Variants in XIRP2 observed in about 807,000 individuals in gnomAD.
XIRP2 encodes xin actin binding repeat containing 2, also known as xin actin-binding repeat-containing protein 2.
In XIRP2, 236 loss-of-function variants were observed where a neutral mutation model predicts 277.0. The ratio of observed to expected loss-of-function variants is 0.85; its 90% CI spans 0.77 to 0.95. The LOEUF is 0.95. XIRP2 is among the 40% of genes least tolerant of loss of function. The pLI, the probability that XIRP2 is intolerant of heterozygous loss-of-function variation, is 0.00. For missense variants in XIRP2, 4,640 were observed against 4,157.5 expected, an observed-to-expected ratio of 1.12 and a Z score of -3.19; for synonymous variants, 1,490 against 1,416.5, an observed-to-expected ratio of 1.05 and a Z score of -1.17.
At chr2:166,955,411 T>G (rs1686136197) in intron 2 of XIRP2, among the ~76,000 whole-genome samples, 1 of 151,722 alleles carries the variant, frequency 6.6e-6, no homozygotes, top group Admixed American at 6.6e-5. Context: ...GGGAAGAGGT[T>G]GTGAGTATGA....
At chr2:167,143,511 A>G (rs944166311) in intron 3 of XIRP2, among the ~76,000 whole-genome samples, 1 of 152,148 alleles carries the variant, frequency 6.6e-6, no homozygotes, top group African/African-American at 2.4e-5. Context: ...TTGGAAGAAA[A>G]TAGGGACACT....
chr2:167,123,944 G>C (rs576315495), intron 2 of XIRP2: 1 of 152,232 alleles, frequency 6.6e-6, no homozygotes, highest in East Asian at 1.9e-4. Context: ...TGAGTGCACA[G>C]GAATAAAACA....
intron 5 of XIRP2, among the ~76,000 whole-genome samples, chr2:167,233,882 C>T (rs751807602): frequency 4.0e-5 from 6 of 151,552 alleles, no homozygotes; most frequent in Non-Finnish European, 7.4e-5. Context: ...TATACATCTA[C>T]GTAAAACTTC....
chr2:167,060,088 C>T (rs1211271584), intron 2 of XIRP2, among the ~76,000 whole-genome samples: 7 of 152,230 alleles, frequency 4.6e-5, no homozygotes, highest in African/African-American at 1.7e-4. Flanking sequence ...AAAGATCCCA[C>T]CAAATTCTGC....
At chr2:167,001,187 T>C (rs923334039) in intron 2 of XIRP2, among the ~76,000 whole-genome samples, 1 of 152,274 alleles carries the variant, frequency 6.6e-6, no homozygotes, top group Non-Finnish European at 1.5e-5. Context: ...GTGCTTCCTA[T>C]GCCTATTGGA....
At chr2:167,010,321 T>C (rs878952389) in intron 2 of XIRP2, among the ~76,000 whole-genome samples, 1 of 151,528 alleles carries the variant, frequency 6.6e-6, no homozygotes, top group Admixed American at 6.6e-5. Flanking sequence ...ATTTATTAAA[T>C]AGGGAATCCT....
intron 2 of XIRP2, among the ~76,000 whole-genome samples, chr2:166,995,303 A>C (rs906312015): frequency 6.6e-6 from 1 of 152,174 alleles, no homozygotes; most frequent in African/African-American, 2.4e-5. Flanking sequence ...GCTGAGCCCT[A>C]CTGAATTTCA....
intron 1 of XIRP2, among the ~76,000 whole-genome samples, chr2:166,901,288 A>G (rs1261524450): frequency 6.6e-6 from 1 of 152,012 alleles, no homozygotes; most frequent in Non-Finnish European, 1.5e-5. Flanking sequence ...TCACCGCCTT[A>G]TTGTTCCTCA....
Position 167,243,890 on chromosome 2 carries a change from T to C in XIRP2, c.2498T>C (p.Ile833Thr). The C allele has an allele frequency of 6.2e-7, 1 of 1,613,598 alleles. No homozygotes were observed. Among genetic ancestry groups the C allele is most frequent in the South Asian group, 1.1e-5 (1 of 91,046 alleles). Reference protein sequence around the residue: ...SEEVIIEKEKIIGTDVSRKCW... With the variant: ...SEEVIIEKEKTIGTDVSRKCW... ...GAGGTCATCATTGAAAAGGAAAAAA[T>C]AATAGGTACAGATGTCTCCAGAAAG... The change falls in exon 9 of 11, where the codon ATA (isoleucine) becomes ACA (threonine). Residue 833 changes from isoleucine to threonine, a missense_variant. Coordinates refer to ENST00000409195, the MANE Select transcript of XIRP2 (RefSeq NM_152381.6).
rs774426367 is a variant in XIRP2, at chr2:167,251,887, G to A, written c.10495G>A (p.Ala3499Thr). Residue 3499 changes from alanine (A) to threonine (T), a missense_variant, in exon 9 of 11, where the codon GCA becomes ACA. Transcript: ENST00000409195. ...RVFKGLGYAT[A>T]DASATEMRTT... Reference sequence around the variant, plus strand: ...TTTTAAAGGCCTGGGATATGCAACCGCAGATGCTTCTGCAACTGAGATGAG... The same window carrying A: ...TTTTAAAGGCCTGGGATATGCAACCACAGATGCTTCTGCAACTGAGATGAG... The A allele has an allele frequency of 3.8e-6, 6 of 1,599,706 alleles. No individual in the cohort carries two copies. Among genetic ancestry groups the A allele is most frequent in the South Asian group, 1.1e-5 (1 of 87,926 alleles).
At chr2:167,132,905 G>A (rs768360846) in intron 2 of XIRP2, among the ~76,000 whole-genome samples, 21 of 152,078 alleles carry the variant, frequency 1.4e-4, no homozygotes, top group Non-Finnish European at 2.2e-4. Flanking sequence ...CCTGGGCTTC[G>A]TTACTATTTG....
At chr2:167,107,175 GT>G (rs1690639805) in intron 2 of XIRP2, among the ~76,000 whole-genome samples, 1 of 151,750 alleles carries the variant, frequency 6.6e-6, no homozygotes, top group African/African-American at 2.4e-5. Flanking sequence ...CAATATTTAT[GT>G]TTTTGTTTCC....
intron 5 of XIRP2, among the ~76,000 whole-genome samples, chr2:167,224,218 C>G (rs1694522970): frequency 6.6e-6 from 1 of 151,960 alleles, no homozygotes; most frequent in South Asian, 2.1e-4. Context: ...CCTCCCAATA[C>G]TATCACAAAG....
intron 2 of XIRP2, among the ~76,000 whole-genome samples, chr2:166,917,960 ATCT>A (rs971209495): frequency 1.3e-5 from 2 of 152,124 alleles, no homozygotes; most frequent in African/African-American, 4.8e-5. Flanking sequence ...CTTTTCAAAA[ATCT>A]TCTCACAAGC....
chr2:167,134,464 G>A (rs1000618134), intron 2 of XIRP2, among the ~76,000 whole-genome samples: 1 of 151,924 alleles, frequency 6.6e-6, no homozygotes, highest in Non-Finnish European at 1.5e-5. Flanking sequence ...ATGTTTCGAA[G>A]CTTTTAGCTG....
At chr2:167,189,191 T>C (rs1304188447) in intron 3 of XIRP2, among the ~76,000 whole-genome samples, 1 of 152,170 alleles carries the variant, frequency 6.6e-6, no homozygotes, top group East Asian at 1.9e-4. Flanking sequence ...AATGTGGAGT[T>C]GGGCACTCCT....
intron 8 of XIRP2, among the ~76,000 whole-genome samples, 157 bp from the exon 9 acceptor site, chr2:167,242,412 A>G (rs1261469037): frequency 6.6e-6 from 1 of 152,218 alleles, no homozygotes; most frequent in Non-Finnish European, 1.5e-5. Flanking sequence ...AATATTGACT[A>G]TTATTCCTAA....
At chr2:167,214,093 A>AGAAAGAAAGAAGGAAG (rs1553500653) in intron 4 of XIRP2, among the ~76,000 whole-genome samples, 1 of 64,318 alleles carries the variant, frequency 1.6e-5, no homozygotes, top group African/African-American at 7.7e-5. Context: ...GAAGAAAGAA[A>AGAAAGAAAGAAGGAAG]GAAGGAAGGA....
At position 167,259,508 on chromosome 2, in the gene XIRP2, T is replaced by G. The variant is rs182661301; in HGVS notation, c.*1691T>G. ...ATCTCGTGTCTATCTCAATGGGATA[T>G]TTCTTGTATTACACCTTGTCATTTT... On this transcript the variant is annotated 3_prime_UTR_variant, in exon 11 of 11. Coordinates refer to ENST00000409195, the MANE Select transcript of XIRP2 (RefSeq NM_152381.6). 4.0e-6 allele frequency: 3 copies of G among 748,966 alleles called. No individual in the cohort carries two copies. Among genetic ancestry groups the G allele is most frequent in the Non-Finnish European group, 6.2e-6 (3 of 485,886 alleles). 46.4% of individuals were successfully genotyped at this position (748,966 alleles called of 1,614,324 possible).
Sources: gnomAD v4.1 joint callset for allele counts (sites outside exome capture counted in the v4.1 genomes callset) on GRCh38, gnomAD v4.1.1 for gene constraint, MANE v1.5 for transcripts, NCBI Gene and HGNC (gene_info 2026-07-23, HGNC 2026-07-21) for gene names.